Variants in LINC00305 observed in about 807,000 individuals in gnomAD.
LINC00305 encodes long independently transcribed non-coding RNA 305.
At chr18:64,108,982 G>T (rs2051303816) in intron 1 of LINC00305, among the ~76,000 whole-genome samples, 1 of 152,190 alleles carries the variant, frequency 6.6e-6, no homozygotes, top group Admixed American at 6.5e-5. Context: ...TGTGGAGGAG[G>T]AGAAAGCTCT....
intron 1 of LINC00305, among the ~76,000 whole-genome samples, chr18:64,124,518 G>C (rs1402712754): frequency 1.3e-5 from 2 of 152,038 alleles, no homozygotes; most frequent in African/African-American, 4.8e-5. Flanking sequence ...TTGCCAAACT[G>C]ATTAAATTTT....
At chr18:64,145,653 T>G (rs879766115) in intron 1 of LINC00305, among the ~76,000 whole-genome samples, 5 of 152,168 alleles carry the variant, frequency 3.3e-5, no homozygotes, top group Non-Finnish European at 5.9e-5. Context: ...TGACCTCAGG[T>G]AATCCACCTG....
chr18:64,133,825 C>G (rs2051420772), intron 1 of LINC00305, among the ~76,000 whole-genome samples: 1 of 152,148 alleles, frequency 6.6e-6, no homozygotes, highest in South Asian at 2.1e-4. Context: ...TGGTTTATAA[C>G]TTAATCTTTC....
At chr18:64,136,906 C>CACGAGG (rs112555206) in intron 1 of LINC00305, among the ~76,000 whole-genome samples, 1 of 152,106 alleles carries the variant, frequency 6.6e-6, no homozygotes, top group Admixed American at 6.5e-5. Flanking sequence ...TTACGTAAGA[C>CACGAGG]ATGAAGGATA....
At position 64,125,336 on chromosome 18, in the gene LINC00305, C is replaced by T. The variant is rs571048312; in HGVS notation, n.314+23439G>A. On this transcript the variant is annotated intron_variant and non_coding_transcript_variant, in intron 1 of 3. Coordinates refer to ENST00000666468, the Ensembl canonical transcript of LINC00305. ...CCCAGTGCTCCCAGTATCTTTTCCCCTCATCTTAATTTCTCACCCACATTT... is the reference window on the plus strand; with the variant it reads ...CCCAGTGCTCCCAGTATCTTTTCCCTTCATCTTAATTTCTCACCCACATTT... Among the ~76,000 whole-genome samples, 4 of 152,080 alleles carry T rather than the reference C, an allele frequency of 2.6e-5. No homozygotes were observed. In the Middle Eastern group the frequency reaches 0.01, roughly 388 times the overall value.
At chr18:64,148,083 G>T (rs976788235) in intron 1 of LINC00305, among the ~76,000 whole-genome samples, 6 of 152,006 alleles carry the variant, frequency 3.9e-5, no homozygotes, top group Admixed American at 6.6e-5. Context: ...AAGGGACAAG[G>T]GATCTTCCAG....
At chr18:64,147,964 T>C (rs561446522) in intron 1 of LINC00305, among the ~76,000 whole-genome samples, 3 of 152,146 alleles carry the variant, frequency 2.0e-5, no homozygotes, top group South Asian at 2.1e-4. Context: ...ATAGCACACA[T>C]TCTTTCTGGG....
At chr18:64,083,712 A>C (rs1233028245) in intron 3 of LINC00305, among the ~76,000 whole-genome samples, 1 of 152,140 alleles carries the variant, frequency 6.6e-6, no homozygotes, top group Non-Finnish European at 1.5e-5. Context: ...GCATGAGTGG[A>C]TCCTAATTTT....
intron 1 of LINC00305, among the ~76,000 whole-genome samples, chr18:64,135,545 C>T (rs1243463572): frequency 6.6e-6 from 1 of 152,072 alleles, no homozygotes; most frequent in Non-Finnish European, 1.5e-5. Context: ...ATGTTGGCAG[C>T]GTGCTTTCTC....
At chr18:64,132,898 C>T (rs1456842315) in intron 1 of LINC00305, among the ~76,000 whole-genome samples, 1 of 152,194 alleles carries the variant, frequency 6.6e-6, no homozygotes, top group Non-Finnish European at 1.5e-5. Context: ...CATGACTTCA[C>T]AACCAGAATA....
chr18:64,113,165 G>A (rs1198309413), intron 1 of LINC00305, among the ~76,000 whole-genome samples: 2 of 152,216 alleles, frequency 1.3e-5, no homozygotes, highest in African/African-American at 4.8e-5. Flanking sequence ...ACTAGGCAGA[G>A]GCATCACAAG....
Position 64,094,399 on chromosome 18 carries a change from G to A in LINC00305, n.540+3435C>T, listed in dbSNP as rs115547217. ...TGGAGTGGTGAAGGGAGGGGTGAGG[G>A]TCGACTGTGGGCAGAGAGCACAACA... is the stretch of plus-strand genomic sequence containing the variant. On this transcript the variant is annotated intron_variant and non_coding_transcript_variant, in intron 3 of 3. Transcript: ENST00000666468. Among the ~76,000 whole-genome samples, 1,232 of 152,202 alleles carry A rather than the reference G, an allele frequency of 8.1e-3. 21 individuals are homozygous for A. The highest frequency in any genetic ancestry group is 0.028 in the African/African-American group (1,166 of 41,512).
intron 1 of LINC00305, among the ~76,000 whole-genome samples, chr18:64,109,978 A>AT (rs548981127): frequency 1.1e-4 from 16 of 151,578 alleles, no homozygotes; most frequent in Non-Finnish European, 1.9e-4. Flanking sequence ...TTTTTCTGCA[A>AT]TTTTTTTTTA....
intron 1 of LINC00305, among the ~76,000 whole-genome samples, chr18:64,118,360 G>A (rs2051346984): frequency 6.6e-6 from 1 of 152,128 alleles, no homozygotes; most frequent in Admixed American, 6.6e-5. Context: ...GCTTGAGGTA[G>A]TACCTACTCT....
At chr18:64,141,052 TAAAAAAAAAAAAAAAAA>T (rs34175314) in intron 1 of LINC00305, among the ~76,000 whole-genome samples, 1 of 96,308 alleles carries the variant, frequency 1.0e-5, no homozygotes, top group South Asian at 4.5e-4. Flanking sequence ...GCCTGAATGA[TAAAAAAAAAAAAAAAAA>T]AAAAAAAATG....
intron 1 of LINC00305, among the ~76,000 whole-genome samples, chr18:64,143,199 A>G (rs946685897): frequency 2.6e-5 from 4 of 152,156 alleles, no homozygotes; most frequent in African/African-American, 9.7e-5. Context: ...CCTTTATTTA[A>G]AAATGATCTA....
At chr18:64,086,722 T>G (rs1292892228) in intron 3 of LINC00305, among the ~76,000 whole-genome samples, 1 of 152,238 alleles carries the variant, frequency 6.6e-6, no homozygotes, top group East Asian at 1.9e-4. Flanking sequence ...CAAACTATTC[T>G]TGCTTGGATT....
intron 1 of LINC00305, among the ~76,000 whole-genome samples, chr18:64,114,154 C>T (rs1011717106): frequency 6.6e-6 from 1 of 152,134 alleles, no homozygotes; most frequent in Non-Finnish European, 1.5e-5. Flanking sequence ...CCTGCAGTCC[C>T]AGCTACTCTG....
chr18:64,108,541 G>A (rs566126972), intron 1 of LINC00305, among the ~76,000 whole-genome samples: 46 of 152,262 alleles, frequency 3.0e-4, no homozygotes, highest in Admixed American at 5.9e-4. Context: ...GTCACAGAAG[G>A]CCTCTTAGAG....
Sources: gnomAD v4.1 joint callset for allele counts (sites outside exome capture counted in the v4.1 genomes callset) on GRCh38, gnomAD v4.1.1 for gene constraint, MANE v1.5 for transcripts, NCBI Gene and HGNC (gene_info 2026-07-23, HGNC 2026-07-21) for gene names.